The following CNTNAP2 variants were observed in gnomAD, a reference collection of about 807,000 sequenced individuals.
CNTNAP2 encodes the protein contactin-associated protein-like 2.
A neutral mutation model predicts 155.2 loss-of-function variants in CNTNAP2; 98 were observed. That is an observed-to-expected ratio of 0.63 (90% CI 0.54 to 0.75). CNTNAP2 has a LOEUF of 0.75. CNTNAP2 is among the 30% of genes least tolerant of loss of function. CNTNAP2 has a pLI of 0.00. For missense variants in CNTNAP2, 1,727 were observed against 1,688.1 expected (o/e 1.02, Z -0.40); for synonymous variants, 651 against 631.2 (o/e 1.03, Z -0.47).
intron 1 of CNTNAP2, among the ~76,000 whole-genome samples, chr7:146,235,132 C>T (rs1380706995): frequency 2.6e-5 from 4 of 151,792 alleles, no homozygotes. Flanking sequence ...ATAGAAAATA[C>T]ATCTTAAGAT....
chr7:147,701,005 G>C (rs537037973), intron 13 of CNTNAP2, among the ~76,000 whole-genome samples: 2 of 152,152 alleles, frequency 1.3e-5, no homozygotes, highest in Non-Finnish European at 2.9e-5. Flanking sequence ...ATTTAGTTGA[G>C]TGCATTCCTC....
intron 9 of CNTNAP2, among the ~76,000 whole-genome samples, chr7:147,341,626 A>G (rs1027774529): frequency 5.9e-5 from 9 of 151,972 alleles, no homozygotes; most frequent in Non-Finnish European, 1.2e-4. Context: ...ATGAGCTGAG[A>G]CTTTTATTAG....
intron 9 of CNTNAP2, among the ~76,000 whole-genome samples, chr7:147,375,040 G>GT (rs988793295): frequency 2.6e-5 from 4 of 152,006 alleles, no homozygotes; most frequent in African/African-American, 9.6e-5. Flanking sequence ...AGATCTGATG[G>GT]TTTTATCAGT....
chr7:147,028,004 A>G (rs1798955031), intron 3 of CNTNAP2, among the ~76,000 whole-genome samples: 1 of 152,210 alleles, frequency 6.6e-6, no homozygotes, highest in South Asian at 2.1e-4. Context: ...AGATCTCAAA[A>G]TCCAACTTAG....
chr7:147,409,109 T>C (rs918335498), intron 10 of CNTNAP2, among the ~76,000 whole-genome samples: 5 of 152,234 alleles, frequency 3.3e-5, no homozygotes, highest in African/African-American at 1.2e-4. Context: ...TGACTATTTG[T>C]TTAGTAGTGG....
rs183055029 is a variant in CNTNAP2, at chr7:147,802,642, G to A, written c.2099-100923G>A. Reference sequence around the variant, plus strand: ...AGTACGAAAACCAGTCAGGCGTGGCGGCGCGCACCTGCAATCGCAGGCACT... The same window carrying A: ...AGTACGAAAACCAGTCAGGCGTGGCAGCGCGCACCTGCAATCGCAGGCACT... On this transcript the variant is annotated intron_variant, in intron 13 of 23. Transcript: ENST00000361727. Among the ~76,000 whole-genome samples the A allele has an allele frequency of 5.5e-3, 833 of 152,138 alleles. 4 individuals are homozygous for A. The highest frequency in any genetic ancestry group is 0.021 in the South Asian group (102 of 4,820).
chr7:147,108,450 G>A, intron 5 of CNTNAP2, 100 bp downstream of exon 5: 1 of 1,035,780 alleles, frequency 9.7e-7, no homozygotes, highest in Non-Finnish European at 1.4e-6. Context: ...TATAAAAAGA[G>A]CTCATGTTAT....
rs192856612 is a variant in CNTNAP2, at chr7:147,838,958, G to T, written c.2099-64607G>T. ...CATATATATAAAGGGAATTTATTAAGAGTATTGACTCACATGATCATAAGG... is the reference window on the plus strand; with the variant it reads ...CATATATATAAAGGGAATTTATTAATAGTATTGACTCACATGATCATAAGG... On this transcript the variant is annotated intron_variant, in intron 13 of 23. Coordinates refer to ENST00000361727, the MANE Select transcript of CNTNAP2 (RefSeq NM_014141.6). 3.8e-3 allele frequency among the ~76,000 whole-genome samples: 579 copies of T among 152,230 alleles called. 5 individuals carry two copies. The highest frequency in any genetic ancestry group is 0.013 in the African/African-American group (553 of 41,538).
At chr7:146,214,436 A>T (rs1227909435) in intron 1 of CNTNAP2, among the ~76,000 whole-genome samples, 6 of 152,212 alleles carry the variant, frequency 3.9e-5, no homozygotes, top group African/African-American at 9.6e-5. Context: ...CAGAAGGGAA[A>T]ATCCACGTTC....
At chr7:146,722,265 A>T (rs148644222) in intron 1 of CNTNAP2, among the ~76,000 whole-genome samples, 14 of 152,106 alleles carry the variant, frequency 9.2e-5, no homozygotes, top group African/African-American at 3.1e-4. Flanking sequence ...TGCTGAAAAG[A>T]ATGGTACCTG....
At chr7:146,547,746 G>A (rs754932398) in intron 1 of CNTNAP2, among the ~76,000 whole-genome samples, 14 of 151,824 alleles carry the variant, frequency 9.2e-5, no homozygotes, top group Non-Finnish European at 2.1e-4. Flanking sequence ...TTGGGTATTG[G>A]GAATGTTGCT....
intron 3 of CNTNAP2, among the ~76,000 whole-genome samples, chr7:147,026,163 G>A (rs999115556): frequency 2.6e-5 from 4 of 151,892 alleles, no homozygotes; most frequent in Non-Finnish European, 4.4e-5. Flanking sequence ...TCGTTTTTAT[G>A]GATTTCAAAA....
chr7:147,251,254 C>T (rs966685405), intron 8 of CNTNAP2, among the ~76,000 whole-genome samples: 4 of 152,156 alleles, frequency 2.6e-5, no homozygotes, highest in African/African-American at 9.6e-5. Flanking sequence ...CATCCCCTGC[C>T]GAAGACTCTG....
At chr7:146,949,201 AGCCTAGATGG>A (rs1241109870) in intron 3 of CNTNAP2, among the ~76,000 whole-genome samples, 1 of 152,134 alleles carries the variant, frequency 6.6e-6, no homozygotes, top group Non-Finnish European at 1.5e-5. Flanking sequence ...GCATATATAA[AGCCTAGATGG>A]GCACATATTT....
At chr7:147,158,728 C>T (rs1801971782) in intron 8 of CNTNAP2, among the ~76,000 whole-genome samples, 1 of 152,056 alleles carries the variant, frequency 6.6e-6, no homozygotes. Flanking sequence ...TTTTCTGTCT[C>T]TATCATTTTC....
intron 1 of CNTNAP2, among the ~76,000 whole-genome samples, chr7:146,318,735 C>T (rs142588410): frequency 8.7e-4 from 132 of 151,974 alleles, no homozygotes; most frequent in African/African-American, 2.8e-3. Flanking sequence ...ATGGTGAAGC[C>T]GGTGTGGAGG....
Position 148,196,614 on chromosome 7 carries a change from G to A in CNTNAP2, c.3011-20674G>A, listed in dbSNP as rs139888898. Among the ~76,000 whole-genome samples, 267 of 152,330 alleles carry A rather than the reference G, an allele frequency of 1.8e-3. 1 individual carries two copies. The highest frequency in any genetic ancestry group is 5.9e-3 in the African/African-American group (245 of 41,588). ...ATTCACACAAGAATCCAATAAGGGA[G>A]ATAGTTTTAATAGACCCATTTTACT... On this transcript the variant is annotated intron_variant, in intron 18 of 23. Transcript: ENST00000361727.
At chr7:147,303,527 A>C (rs62485032) in intron 9 of CNTNAP2, among the ~76,000 whole-genome samples, 5,252 of 152,308 alleles carry the variant, frequency 0.034, 123 homozygotes, top group South Asian at 0.052. Flanking sequence ...AAAATTTTAA[A>C]GTAGGATTCA....
chr7:148,111,115 T>C (rs555114298), intron 15 of CNTNAP2, among the ~76,000 whole-genome samples: 1 of 152,200 alleles, frequency 6.6e-6, no homozygotes, highest in East Asian at 1.9e-4. Context: ...ACACTCCAGA[T>C]TGCAGTCAGC....
Sources: gnomAD v4.1 joint callset for allele counts (sites outside exome capture counted in the v4.1 genomes callset) on GRCh38, gnomAD v4.1.1 for gene constraint, MANE v1.5 for transcripts, NCBI Gene and HGNC (gene_info 2026-07-23, HGNC 2026-07-21) for gene names.